CFAP44: variants seen among roughly 807,000 people sequenced by gnomAD.
The protein encoded by CFAP44 is cilia and flagella associated protein 44.
CFAP44 carries 134 observed loss-of-function variants against 216.2 expected under a neutral mutation model. That is an observed-to-expected ratio of 0.62 (90% CI 0.54 to 0.72). The LOEUF (loss-of-function observed/expected upper bound fraction) is 0.72, where lower values mean the gene tolerates loss of function less well. CFAP44 is among the 30% of genes least tolerant of loss of function. The pLI is 0.00. For missense variants in CFAP44, 2,035 were observed against 2,182.1 expected (o/e 0.93, Z 1.34); for synonymous variants, 700 against 727.6 (o/e 0.96, Z 0.61).
Position 113,420,071 on chromosome 3 carries a change from G to A in CFAP44, c.516C>T (p.Thr172=), listed in dbSNP as rs372574755. ...TACTTCGCAGGTAGATCTGTTCCTT[G>A]GTTTTCAAATTCAGAAAGATCAGTT... ...GNQLIFLNLK[T]KEQIYLRSSS... The change falls in exon 5 of 35, where the codon ACC becomes ACT. Residue 172 remains threonine, a synonymous_variant. Transcript: ENST00000393845. 2.5e-6 allele frequency: 4 copies of A among 1,613,548 alleles called. No homozygotes were observed. Among genetic ancestry groups the A allele is most frequent in the Non-Finnish European group, 3.4e-6 (4 of 1,179,778 alleles).
intron 1 of CFAP44, among the ~76,000 whole-genome samples, chr3:113,439,273 T>G (rs6780086): frequency 6.6e-6 from 1 of 152,080 alleles, no homozygotes; most frequent in South Asian, 2.1e-4. Context: ...CCCTGACAAA[T>G]AGAGCTGGGG....
intron 28 of CFAP44, among the ~76,000 whole-genome samples, chr3:113,324,042 CAA>C (rs200919084): frequency 6.4e-4 from 46 of 71,824 alleles, no homozygotes; most frequent in African/African-American, 1.5e-3. Context: ...GACTCCGTCT[CAA>C]AAAAAAAAAA....
At chr3:113,365,933 T>G in intron 19 of CFAP44, 106 bp downstream of exon 19, 1 of 1,247,658 alleles carries the variant, frequency 8.0e-7, no homozygotes, top group Non-Finnish European at 1.1e-6. Flanking sequence ...GACCATAAGG[T>G]GAATGTGTCT....
At chr3:113,320,764 T>C (rs1392037530) in intron 28 of CFAP44, among the ~76,000 whole-genome samples, 1 of 152,028 alleles carries the variant, frequency 6.6e-6, no homozygotes, top group Non-Finnish European at 1.5e-5. Flanking sequence ...GGGAGAAAGA[T>C]GTAGGCTGGG....
chr3:113,318,718 C>G (rs768038941), intron 28 of CFAP44, among the ~76,000 whole-genome samples: 1 of 152,122 alleles, frequency 6.6e-6, no homozygotes, highest in Non-Finnish European at 1.5e-5. Context: ...ATCAGGCTAG[C>G]AGCAGACCTC....
At position 113,308,162 on chromosome 3, in the gene CFAP44, T is replaced by A. The variant is rs2107794954; in HGVS notation, c.4623A>T (p.Pro1541=). ...ACGTGGTTTTATCTAACTTACTTGT[T>A]GGGCAAATAGAATCATCAAAAACCT... ...EDEVFDDSIC[P]TNCDVALFEL... is the part of the protein sequence containing the mutation. Residue 1541 remains proline, a synonymous_variant, in exon 29 of 35, where the codon CCA becomes CCT. Coordinates refer to ENST00000393845, the MANE Select transcript of CFAP44 (RefSeq NM_001164496.2). 6.5e-7 allele frequency: 1 copy of A among 1,532,632 alleles called. No homozygotes were observed. Among genetic ancestry groups the A allele is most frequent in the Non-Finnish European group, 8.7e-7 (1 of 1,145,512 alleles). The allele number at this position is 1,532,632 out of a possible 1,614,324, so 94.9% of individuals were successfully genotyped here.
rs1950028579 is a variant in CFAP44, at chr3:113,310,607, A to G, written c.4517-2339T>C. ...TTAAAAGTCACTCATACCACAAACC[A>G]GGAAGATATCTGATATGGTTTGGAT... On this transcript the variant is annotated intron_variant, in intron 28 of 34. Coordinates refer to ENST00000393845, the MANE Select transcript of CFAP44 (RefSeq NM_001164496.2). Among the ~76,000 whole-genome samples the G allele has an allele frequency of 2.6e-5, 4 of 152,252 alleles. No homozygotes were observed. The South Asian group carries it at 8.3e-4, about 32-fold the overall frequency.
Position 113,373,515 on chromosome 3 carries a change from G to A in CFAP44, c.2340C>T (p.Pro780=), listed in dbSNP as rs754448178. The A allele has an allele frequency of 1.2e-6, 2 of 1,602,150 alleles. No homozygotes were observed. The highest frequency in any genetic ancestry group is 1.1e-5 in the South Asian group (1 of 88,958). Residue 780 remains proline, a synonymous_variant, in exon 18 of 35, where the codon CCC becomes CCT. Transcript: ENST00000393845. ...TGAAATCACTGCTTTCATCACAAGG[G>A]GGGAACTCACAGTGATATAGAAAAC... ...DSGFLYHCEF[P]PCDESSDFKE... is the part of the protein sequence containing the mutation.
At chr3:113,326,672 A>C in intron 27 of CFAP44, 32 bp from the exon 28 acceptor site, 2 of 1,351,982 alleles carry the variant, frequency 1.5e-6, no homozygotes, top group South Asian at 3.0e-5. Context: ...CAAATGATAA[A>C]TATTTCTGAT....
At position 113,319,572 on chromosome 3, in the gene CFAP44, C is replaced by G. The variant is rs11920069; in HGVS notation, c.4516+6873G>C. On this transcript the variant is annotated intron_variant, in intron 28 of 34. Transcript: ENST00000393845. ...AAAAACTCTGGACTTAAACTCAACA[C>G]TTGACCAATTGGACCTAATACGCAT... Among the ~76,000 whole-genome samples the G allele has an allele frequency of 1.9e-3, 285 of 152,320 alleles. 2 individuals are homozygous for G. The highest frequency in any genetic ancestry group is 5.6e-3 in the African/African-American group (232 of 41,576).
intron 24 of CFAP44, among the ~76,000 whole-genome samples, chr3:113,333,883 T>A (rs1200482449): frequency 6.6e-6 from 1 of 152,224 alleles, no homozygotes; most frequent in Non-Finnish European, 1.5e-5. Flanking sequence ...TTAACATTGT[T>A]ATTTATTCTC....
In CFAP44 at chr3:113,290,510, G is replaced by A. The variant is rs1255363673; in HGVS notation, c.*1047C>T. 1 of 152,194 alleles carries A rather than the reference G, an allele frequency of 6.6e-6. No individual in the cohort carries two copies. Among genetic ancestry groups the A allele is most frequent in the African/African-American group, 2.4e-5 (1 of 41,446 alleles). The allele number at this position is 152,194 out of a possible 1,614,324, so 9.4% of individuals were successfully genotyped here. ...CAGCTTATCCTGGAACAGCCTCAAT[G>A]AGTAGCTCGTTAATACAGAGCTCTT... is the stretch of plus-strand genomic sequence containing the variant. On this transcript the variant is annotated 3_prime_UTR_variant, in exon 35 of 35. Coordinates refer to ENST00000393845, the MANE Select transcript of CFAP44 (RefSeq NM_001164496.2).
chr3:113,385,630 T>C (rs1475628292), intron 15 of CFAP44, among the ~76,000 whole-genome samples: 1 of 152,060 alleles, frequency 6.6e-6, no homozygotes, highest in African/African-American at 2.4e-5. Context: ...ACAGGTCTTC[T>C]GGGGTTTTGT....
chr3:113,432,500 T>A (rs1416561764), intron 2 of CFAP44, among the ~76,000 whole-genome samples: 1 of 152,202 alleles, frequency 6.6e-6, no homozygotes, highest in African/African-American at 2.4e-5. Context: ...AGAATCACTT[T>A]TAGCTTTTAA....
intron 32 of CFAP44, among the ~76,000 whole-genome samples, chr3:113,297,578 T>C (rs768576716): frequency 3.3e-5 from 5 of 152,248 alleles, no homozygotes; most frequent in Admixed American, 6.5e-5. Flanking sequence ...TATTATCAGA[T>C]GTGCTGTCTT....
intron 5 of CFAP44, among the ~76,000 whole-genome samples, chr3:113,417,622 C>T (rs779996047): frequency 6.6e-6 from 1 of 152,082 alleles, no homozygotes; most frequent in Non-Finnish European, 1.5e-5. Context: ...ATCCTGGTAC[C>T]CAAGATAACA....
intron 21 of CFAP44, chr3:113,362,768 C>T: frequency 2.1e-6 from 1 of 466,202 alleles, no homozygotes; most frequent in Non-Finnish European, 3.2e-6. Flanking sequence ...GCCATAGTTC[C>T]CAACGAAGCC....
Position 113,291,739 on chromosome 3 carries a change from A to C in CFAP44, c.5383T>G (p.Phe1795Val). 1 of 1,535,834 alleles carries C rather than the reference A, an allele frequency of 6.5e-7. No homozygotes were observed. Among genetic ancestry groups the C allele is most frequent in the Non-Finnish European group, 8.7e-7 (1 of 1,146,920 alleles). Reference sequence around the variant, plus strand: ...ACATCTGCTTCCCGAGGGCCCTGGAAGGCATTGCCCTGTTGAAAGAAAACA... The same window carrying C: ...ACATCTGCTTCCCGAGGGCCCTGGACGGCATTGCCCTGTTGAAAGAAAACA... ...NTLQNQQGNAFQGPREADVVA... is the reference protein window; with the variant it reads ...NTLQNQQGNAVQGPREADVVA... Residue 1795 changes from phenylalanine to valine, a missense_variant, in exon 35 of 35, where the codon TTC becomes GTC. By Grantham distance (50) the Phe-to-Val change is conservative. Transcript: ENST00000393845.
At chr3:113,304,157 C>A in intron 31 of CFAP44, 40 bp from the exon 32 acceptor site, 1 of 1,520,446 alleles carries the variant, frequency 6.6e-7, no homozygotes, top group Non-Finnish European at 8.8e-7. Context: ...TAGACAAAAA[C>A]ACAGATTTTG....
Sources: gnomAD v4.1 joint callset for allele counts (sites outside exome capture counted in the v4.1 genomes callset) on GRCh38, gnomAD v4.1.1 for gene constraint, MANE v1.5 for transcripts, NCBI Gene and HGNC (gene_info 2026-07-23, HGNC 2026-07-21) for gene names.